Variants in FGF14 observed in about 807,000 individuals in gnomAD.
The protein encoded by FGF14 is fibroblast growth factor 14.
A neutral mutation model predicts 25.5 loss-of-function variants in FGF14; 5 were observed. The observed-to-expected ratio is 0.20, with a 90% CI of 0.10 to 0.41. FGF14 has a LOEUF of 0.41. Among genes scored for constraint, FGF14 ranks in the 10% least tolerant of loss-of-function variants. The pLI, the probability that FGF14 is intolerant of heterozygous loss-of-function variation, is 1.00. For synonymous variants in FGF14, 138 were observed against 118.3 expected (o/e 1.17, Z -1.08); for missense variants, 222 against 320.1 (o/e 0.69, Z 2.34).
intron 1 of FGF14, among the ~76,000 whole-genome samples, chr13:102,361,820 A>G (rs541011338): frequency 1.3e-5 from 2 of 152,296 alleles, no homozygotes; most frequent in African/African-American, 4.8e-5. Context: ...TTTAACTGAT[A>G]TAACAGAGAA....
chr13:101,825,553 A>G (rs1157190641), intron 3 of FGF14, among the ~76,000 whole-genome samples: 1 of 152,184 alleles, frequency 6.6e-6, no homozygotes, highest in Non-Finnish European at 1.5e-5. Context: ...CTATCTTACC[A>G]GATAGTATGG....
chr13:102,271,928 C>T (rs2053265713), intron 1 of FGF14, among the ~76,000 whole-genome samples: 1 of 152,160 alleles, frequency 6.6e-6, no homozygotes, highest in African/African-American at 2.4e-5. Context: ...TTTGCCCCAA[C>T]CCAATAGTCT....
chr13:102,068,489 G>A (rs1268710201), intron 1 of FGF14, among the ~76,000 whole-genome samples: 1 of 152,208 alleles, frequency 6.6e-6, no homozygotes, highest in Non-Finnish European at 1.5e-5. Flanking sequence ...GGCGCGAGCG[G>A]GAACCAGGGC....
rs183304369 is a variant in FGF14 at position 102,261,273 on chromosome 13, T to C, written c.208+140198A>G. On this transcript the variant is annotated intron_variant, in intron 1 of 4. Coordinates refer to the FGF14 transcript ENST00000376131. The stretch of plus-strand genomic sequence containing the variant: ...GAAAATATTTAAGGAGCTTTACCTT[T>C]AGCTTCTTGGCTGTTACAATAAGTT... Among the ~76,000 whole-genome samples, 4 of 152,358 alleles carry C rather than the reference T, an allele frequency of 2.6e-5. No individual in the cohort carries two copies. In the East Asian group the frequency reaches 5.8e-4, roughly 22 times the overall value.
At chr13:102,132,333 CAT>C (rs2046234187) in intron 1 of FGF14, among the ~76,000 whole-genome samples, 1 of 152,128 alleles carries the variant, frequency 6.6e-6, no homozygotes, top group Non-Finnish European at 1.5e-5. Flanking sequence ...AAATTTAAGA[CAT>C]ATACACATAA....
chr13:102,055,850 C>T (rs887220512), intron 1 of FGF14, among the ~76,000 whole-genome samples: 13 of 152,164 alleles, frequency 8.5e-5, no homozygotes, highest in African/African-American at 2.7e-4. Context: ...GACTCACAGT[C>T]CCATGTGGCT....
At chr13:102,123,953 G>A (rs1349581583) in intron 1 of FGF14, among the ~76,000 whole-genome samples, 1 of 152,164 alleles carries the variant, frequency 6.6e-6, no homozygotes, top group Non-Finnish European at 1.5e-5. Flanking sequence ...TCTCCAGAAT[G>A]CAAAGTATAT....
At chr13:102,259,696 C>T (rs528188053) in intron 1 of FGF14, among the ~76,000 whole-genome samples, 19 of 152,224 alleles carry the variant, frequency 1.2e-4, no homozygotes, top group African/African-American at 4.1e-4. Flanking sequence ...AGTCTAGGTT[C>T]GCCACATATG....
At chr13:102,204,065 G>A (rs1048008676) in intron 1 of FGF14, among the ~76,000 whole-genome samples, 9 of 152,134 alleles carry the variant, frequency 5.9e-5, no homozygotes, top group African/African-American at 2.2e-4. Context: ...AAAACTTTCA[G>A]TTACCACAGT....
At chr13:102,219,315 G>A (rs1215392012) in intron 1 of FGF14, among the ~76,000 whole-genome samples, 1 of 152,266 alleles carries the variant, frequency 6.6e-6, no homozygotes, top group South Asian at 2.1e-4. Context: ...ACATGGAGGT[G>A]CATTTTCTTG....
At chr13:101,948,591 T>C (rs2035964341) in intron 1 of FGF14, among the ~76,000 whole-genome samples, 2 of 151,874 alleles carry the variant, frequency 1.3e-5, no homozygotes, top group Non-Finnish European at 2.9e-5. Flanking sequence ...AATGAGCTCA[T>C]TCGTAATGAT....
chr13:102,095,499 CA>C (rs2044352948), intron 1 of FGF14, among the ~76,000 whole-genome samples: 1 of 152,116 alleles, frequency 6.6e-6, no homozygotes, highest in Admixed American at 6.6e-5. Flanking sequence ...AATGAAAAAG[CA>C]AAAAGTTATA....
intron 1 of FGF14, among the ~76,000 whole-genome samples, chr13:102,086,249 C>T (rs2043891360): frequency 6.6e-6 from 1 of 152,150 alleles, no homozygotes; most frequent in East Asian, 1.9e-4. Flanking sequence ...TTAAGAAGTG[C>T]TTCGGTCATG....
chr13:101,763,426 T>TAA (rs2038169996), intron 3 of FGF14, among the ~76,000 whole-genome samples: 1 of 152,214 alleles, frequency 6.6e-6, no homozygotes, highest in Non-Finnish European at 1.5e-5. Context: ...CTTTTTTTCC[T>TAA]AATAAGGAAA....
At chr13:102,016,139 C>G (rs930785740) in intron 1 of FGF14, among the ~76,000 whole-genome samples, 2 of 151,986 alleles carry the variant, frequency 1.3e-5, no homozygotes, top group African/African-American at 4.8e-5. Flanking sequence ...TATTTTAGTT[C>G]ATTTAGTCAT....
chr13:101,720,220 G>C lies in FGF14; in HGVS notation c.*2611C>G, dbSNP rs1566809357. 2 of 152,146 alleles carry C rather than the reference G, an allele frequency of 1.3e-5. No homozygotes were observed. Among genetic ancestry groups the C allele is most frequent in the South Asian group, 2.1e-4 (1 of 4,816 alleles). The allele number at this position is 152,146 out of a possible 1,614,324, so 9.4% of individuals were successfully genotyped here. On this transcript the variant is annotated 3_prime_UTR_variant, in exon 5 of 5. Coordinates refer to ENST00000376143, the MANE Select transcript of FGF14 (RefSeq NM_004115.4). Reference sequence around the variant, plus strand: ...CTACTACATGCAGCTCATCATTGCTGTCCTCTTCCCATGCTACAGGTGAGA... The same window carrying C: ...CTACTACATGCAGCTCATCATTGCTCTCCTCTTCCCATGCTACAGGTGAGA...
chr13:102,145,838 C>T lies in FGF14; in HGVS notation c.208+255633G>A, dbSNP rs188786484. ...GAGAGTATTTAGAGAAGTATATAAA[C>T]ATTATTTTATTTGAGTGCAAGAGAT... is the stretch of plus-strand genomic sequence containing the variant. On this transcript the variant is annotated intron_variant, in intron 1 of 4. Transcript: ENST00000376131. Among the ~76,000 whole-genome samples the T allele has an allele frequency of 3.3e-5, 5 of 152,240 alleles. No individual in the cohort carries two copies. In the East Asian group the frequency reaches 9.6e-4, roughly 29 times the overall value.
At chr13:102,072,344 G>T (rs767885990) in intron 1 of FGF14, among the ~76,000 whole-genome samples, 1 of 152,042 alleles carries the variant, frequency 6.6e-6, no homozygotes, top group Non-Finnish European at 1.5e-5. Context: ...AAATTGATTC[G>T]TAAACAATAA....
intron 1 of FGF14, among the ~76,000 whole-genome samples, chr13:101,965,091 A>G (rs960244426): frequency 6.6e-6 from 1 of 151,514 alleles, no homozygotes; most frequent in Admixed American, 6.6e-5. Flanking sequence ...AAAAATACAG[A>G]AAAAAAAATT....
Sources: allele counts gnomAD v4.1 joint callset (sites outside exome capture counted in the v4.1 genomes callset), GRCh38; gene constraint gnomAD v4.1.1; transcripts MANE v1.5; gene names NCBI Gene and HGNC (gene_info 2026-07-23, HGNC 2026-07-21).